KIF3A: variants seen among roughly 807,000 people sequenced by gnomAD.
The protein encoded by KIF3A is kinesin-like protein KIF3A.
KIF3A carries 27 observed loss-of-function variants against 92.6 expected under a neutral mutation model. That is an observed-to-expected ratio of 0.29 (90% CI 0.21 to 0.40). KIF3A has a LOEUF of 0.40. KIF3A is among the 10% of genes least tolerant of loss of function. The pLI, the probability that KIF3A is intolerant of heterozygous loss-of-function variation, is 1.00. For missense variants in KIF3A, 581 were observed against 872.6 expected, an observed-to-expected ratio of 0.67 and a Z score of 4.21; for synonymous variants, 250 against 275.4, an observed-to-expected ratio of 0.91 and a Z score of 0.92.
chr5:132,697,175 G>A (rs1752868083), intron 18 of KIF3A, among the ~76,000 whole-genome samples: 1 of 152,056 alleles, frequency 6.6e-6, no homozygotes, highest in Admixed American at 6.5e-5. Context: ...TTCTAACAAG[G>A]AACATCACAT....
intron 4 of KIF3A, 56 bp from the exon 5 acceptor site, chr5:132,720,770 T>G: frequency 1.0e-6 from 1 of 979,346 alleles, no homozygotes; most frequent in Non-Finnish European, 1.6e-6. Flanking sequence ...AATTATTTAT[T>G]GAGTATCTCC....
At chr5:132,731,413 G>A (rs1007330171) in intron 2 of KIF3A, among the ~76,000 whole-genome samples, 4 of 151,996 alleles carry the variant, frequency 2.6e-5, no homozygotes, top group Non-Finnish European at 5.9e-5. Flanking sequence ...ATTTCAATAG[G>A]TGCAGAAAAA....
intron 18 of KIF3A, among the ~76,000 whole-genome samples, chr5:132,698,431 G>C (rs538406367): frequency 6.6e-6 from 1 of 152,230 alleles, no homozygotes; most frequent in African/African-American, 2.4e-5. Context: ...CCAAAGGAGA[G>C]GGGGAAATGT....
intron 8 of KIF3A, among the ~76,000 whole-genome samples, chr5:132,715,555 A>G (rs1350646136): frequency 1.3e-5 from 2 of 152,234 alleles, no homozygotes; most frequent in African/African-American, 4.8e-5. Flanking sequence ...AACCACATAC[A>G]CAAATATTAT....
rs1276472969 is a variant in KIF3A at position 132,700,209 on chromosome 5, C to T, written c.2007+7G>A. ...GTTTTGTTTTGTTTTTTTTTAAGTA[C>T]TCTTACATCTTTCTCCTTTTTATCA... is the stretch of plus-strand genomic sequence containing the variant. On this transcript the variant is annotated splice_region_variant and intron_variant, in intron 17 of 18. Transcript: ENST00000403231. The T allele has an allele frequency of 1.3e-6, 2 of 1,498,528 alleles. No individual in the cohort carries two copies. The highest frequency in any genetic ancestry group is 1.8e-5 in the Admixed American group (1 of 56,944). The allele number at this position is 1,498,528 out of a possible 1,614,324, so 92.8% of individuals were successfully genotyped here.
chr5:132,729,167 T>C (rs1021167749), intron 2 of KIF3A, among the ~76,000 whole-genome samples: 21 of 151,742 alleles, frequency 1.4e-4, no homozygotes, highest in East Asian at 5.8e-4. Flanking sequence ...AGACTACACA[T>C]TGGGTACAGT....
chr5:132,689,860 T>C (rs1368285441), downstream of KIF3A: 3 of 152,102 alleles, frequency 2.0e-5, no homozygotes, highest in Non-Finnish European at 4.4e-5. Flanking sequence ...AAGCTGGAAG[T>C]GGGGGAGAGG....
Position 132,699,214 on chromosome 5 carries a change from GTC to G in KIF3A, c.2087_2088del (p.Arg696ThrfsTer22). On this transcript the variant is annotated frameshift_variant, in exon 18 of 19. Coordinates refer to ENST00000403231, the MANE Select transcript of KIF3A (RefSeq NM_001300791.2). LOFTEE classifies it high-confidence loss of function. ...CTTGCTTTCCCCTTTGAAGTTCGTG[GTC>G]TTTCTAGTTTCATCAAAGACTGACG... ...SLRQSLMKLE[R>X]PRTSKGKARP... 1 of 1,613,856 alleles carries G rather than the reference GTC, an allele frequency of 6.2e-7. No individual in the cohort carries two copies. The highest frequency in any genetic ancestry group is 1.1e-5 in the South Asian group (1 of 91,064).
chr5:132,726,330 G>T (rs768127507), intron 3 of KIF3A, 24 bp downstream of exon 3: 2 of 1,610,542 alleles, frequency 1.2e-6, no homozygotes, highest in Non-Finnish European at 8.5e-7. Flanking sequence ...CTCAATATCA[G>T]AAAATAAAAG....
intron 2 of KIF3A, among the ~76,000 whole-genome samples, chr5:132,732,998 T>C (rs1352512912): frequency 6.6e-6 from 1 of 152,156 alleles, no homozygotes; most frequent in African/African-American, 2.4e-5. Flanking sequence ...TGAAAGAAGT[T>C]ATTCACAAAA....
intron 5 of KIF3A, among the ~76,000 whole-genome samples, chr5:132,719,022 T>C (rs2149909342): frequency 6.6e-6 from 1 of 151,904 alleles, no homozygotes; most frequent in East Asian, 1.9e-4. Flanking sequence ...ATTTAGATTG[T>C]TACATCTAAA....
At position 132,710,873 on chromosome 5, in the gene KIF3A, A is replaced by C. The variant is rs760102502; in HGVS notation, c.1228+86T>G. 8.8e-5 allele frequency: 138 copies of C among 1,569,632 alleles called. 1 individual carries two copies. The highest frequency in any genetic ancestry group is 1.1e-4 in the Non-Finnish European group (126 of 1,152,788). The stretch of plus-strand genomic sequence containing the variant: ...CTAATTGTTATCTAATATATTAAAC[A>C]GATAACGGCAAAATAAAAGTCATGC... On this transcript the variant is annotated intron_variant, in intron 9 of 18. Coordinates refer to ENST00000403231, the MANE Select transcript of KIF3A (RefSeq NM_001300791.2).
chr5:132,716,735 A>C, intron 6 of KIF3A, 110 bp downstream of exon 6: 1 of 1,173,776 alleles, frequency 8.5e-7, no homozygotes, highest in Non-Finnish European at 1.2e-6. Context: ...CACAAGTAAC[A>C]CCTTAAAAAT....
At chr5:132,714,713 C>T (rs1036659566) in intron 8 of KIF3A, among the ~76,000 whole-genome samples, 2 of 152,078 alleles carry the variant, frequency 1.3e-5, no homozygotes, top group Non-Finnish European at 2.9e-5. Flanking sequence ...GACAGTTGCA[C>T]AACAATGCGA....
chr5:132,705,114 T>C (rs916710917), intron 11 of KIF3A, among the ~76,000 whole-genome samples: 2 of 151,978 alleles, frequency 1.3e-5, no homozygotes, highest in African/African-American at 2.4e-5. Flanking sequence ...CTGGCTTGTT[T>C]GGCACAGTCA....
Position 132,710,859 on chromosome 5 carries a change from CT to C in KIF3A, c.1228+99del, listed in dbSNP as rs1753396965. 2.0e-6 allele frequency: 3 copies of C among 1,498,536 alleles called. No homozygotes were observed. The African/African-American group carries it at 4.2e-5, about 21-fold the overall frequency. The allele number at this position is 1,498,536 out of a possible 1,614,324, so 92.8% of individuals were successfully genotyped here. A position where few individuals can be genotyped will look rare whatever the true frequency, so the allele number is the denominator to read the frequency against. On this transcript the variant is annotated intron_variant, in intron 9 of 18. Transcript: ENST00000403231. ...ATACATCTTCTGTTCTAATTGTTAT[CT>C]AATATATTAAACAGATAACGGCAAA...
At chr5:132,707,287 CTT>C (rs1753246309) in intron 10 of KIF3A, among the ~76,000 whole-genome samples, 1 of 152,012 alleles carries the variant, frequency 6.6e-6, no homozygotes, top group Admixed American at 6.6e-5. Flanking sequence ...CAAGAAACAC[CTT>C]TTAAAAAGGC....
chr5:132,705,272 C>T (rs1279188656), intron 11 of KIF3A, among the ~76,000 whole-genome samples: 1 of 151,850 alleles, frequency 6.6e-6, no homozygotes, highest in African/African-American at 2.4e-5. Flanking sequence ...TAAGTATACG[C>T]ATTTAAAAAA....
intron 4 of KIF3A, among the ~76,000 whole-genome samples, chr5:132,724,802 AAAAAATATATATATATATATAT>A (rs1302609286): frequency 3.0e-5 from 1 of 33,326 alleles, no homozygotes; most frequent in South Asian, 1.2e-3. Flanking sequence ...TAAAAAAAAA[AAAAAATATATATATATATATAT>A]ATATATATAT....
Sources: gnomAD v4.1 joint callset for allele counts (sites outside exome capture counted in the v4.1 genomes callset) on GRCh38, gnomAD v4.1.1 for gene constraint, MANE v1.5 for transcripts, NCBI Gene and HGNC (gene_info 2026-07-23, HGNC 2026-07-21) for gene names.